The following HCN1 variants were observed in gnomAD, a reference collection of about 807,000 sequenced individuals.
The protein encoded by HCN1 is hyperpolarization activated cyclic nucleotide gated potassium channel 1, also known as potassium/sodium hyperpolarization-activated cyclic nucleotide-gated channel 1.
A neutral mutation model predicts 78.9 loss-of-function variants in HCN1; 13 were observed. The ratio of observed to expected loss-of-function variants is 0.16; its 90% CI spans 0.11 to 0.26. The LOEUF (loss-of-function observed/expected upper bound fraction) is 0.26, where lower values mean the gene tolerates loss of function less well. HCN1 is among the 10% of genes least tolerant of loss of function. The pLI is 1.00. For missense variants in HCN1, 810 were observed against 1,154.3 expected (o/e 0.70, Z 4.32); for synonymous variants, 552 against 455.5 (o/e 1.21, Z -2.70).
chr5:45,486,126 T>A (rs142197799), intron 2 of HCN1, among the ~76,000 whole-genome samples: 1 of 152,302 alleles, frequency 6.6e-6, no homozygotes, highest in East Asian at 1.9e-4. Context: ...TGTTCTAGGC[T>A]TCACAAAATA....
chr5:45,559,780 A>G (rs1743556619), intron 2 of HCN1: 1 of 152,206 alleles, frequency 6.6e-6, no homozygotes. Flanking sequence ...ATTTTGAGAG[A>G]AATTCCAGTG....
At chr5:45,373,504 T>C (rs1407612754) in intron 4 of HCN1, among the ~76,000 whole-genome samples, 1 of 140,878 alleles carries the variant, frequency 7.1e-6, no homozygotes, top group African/African-American at 2.6e-5. Context: ...ATACATTATA[T>C]ACATCATCTA....
chr5:45,545,419 T>C (rs73101274), intron 2 of HCN1, among the ~76,000 whole-genome samples: 9,872 of 152,304 alleles, frequency 0.065, 393 homozygotes, highest in East Asian at 0.15. Flanking sequence ...CTGATGTTAG[T>C]TTCTTTTGCT....
intron 1 of HCN1, among the ~76,000 whole-genome samples, chr5:45,660,359 G>A (rs1413282089): frequency 1.7e-5 from 2 of 116,122 alleles, no homozygotes; most frequent in Non-Finnish European, 3.4e-5. Flanking sequence ...ATGCCAAAAT[G>A]TAAAGACCAT....
intron 2 of HCN1, among the ~76,000 whole-genome samples, chr5:45,568,565 GCA>G (rs1396344004): frequency 6.6e-6 from 1 of 151,912 alleles, no homozygotes; most frequent in Non-Finnish European, 1.5e-5. Context: ...AGATTTCCCA[GCA>G]CAGAGTAGAA....
intron 5 of HCN1, among the ~76,000 whole-genome samples, chr5:45,336,978 A>G (rs1214340974): frequency 6.6e-6 from 1 of 152,006 alleles, no homozygotes; most frequent in African/African-American, 2.4e-5. Flanking sequence ...ATTTCAACAT[A>G]TGAACTGGGG....
At chr5:45,486,370 G>A (rs1398984121) in intron 2 of HCN1, among the ~76,000 whole-genome samples, 1 of 152,114 alleles carries the variant, frequency 6.6e-6, no homozygotes, top group African/African-American at 2.4e-5. Flanking sequence ...GGAAGAAATA[G>A]AGCTAGATTT....
At chr5:45,352,188 A>C (rs912303606) in intron 5 of HCN1, among the ~76,000 whole-genome samples, 4 of 152,208 alleles carry the variant, frequency 2.6e-5, no homozygotes, top group African/African-American at 9.7e-5. Context: ...ATGGAATACT[A>C]TGCAGCCATA....
chr5:45,387,393 C>T (rs1261171158), intron 4 of HCN1, among the ~76,000 whole-genome samples: 1 of 151,914 alleles, frequency 6.6e-6, no homozygotes, highest in Non-Finnish European at 1.5e-5. Flanking sequence ...GTTAGTGATT[C>T]ACAATAAATG....
At chr5:45,576,122 T>C (rs1156783107) in intron 2 of HCN1, 1 of 152,052 alleles carries the variant, frequency 6.6e-6, no homozygotes, top group Non-Finnish European at 1.5e-5. Flanking sequence ...ATGGAAGAAG[T>C]AACTGCAGAT....
Position 45,323,672 on chromosome 5 carries a change from G to A in HCN1, c.1378-19833C>T, listed in dbSNP as rs1231255819. 1.1e-4 allele frequency among the ~76,000 whole-genome samples: 17 copies of A among 151,528 alleles called. 1 individual carries two copies. The highest frequency in any genetic ancestry group is 5.3e-4 in the Admixed American group (8 of 15,180). On this transcript the variant is annotated intron_variant, in intron 5 of 7. Coordinates refer to ENST00000303230, the MANE Select transcript of HCN1 (RefSeq NM_021072.4). ...GTTGCTGTGCTGCACCCATTAACTC[G>A]TCATTTAGCATTAGGTATATCTCCT...
intron 2 of HCN1, among the ~76,000 whole-genome samples, chr5:45,641,086 C>T (rs926423207): frequency 1.3e-5 from 2 of 152,128 alleles, no homozygotes; most frequent in African/African-American, 4.8e-5. Context: ...TAGGGAGCCT[C>T]TCTAAGTTCT....
chr5:45,642,424 G>C (rs986036689), intron 2 of HCN1: 4 of 151,404 alleles, frequency 2.6e-5, no homozygotes, highest in East Asian at 1.9e-4. Flanking sequence ...AGGGCTTCTT[G>C]TTGTTTTTCA....
At chr5:45,371,948 A>T (rs1192959138) in intron 4 of HCN1, among the ~76,000 whole-genome samples, 1 of 97,152 alleles carries the variant, frequency 1.0e-5, no homozygotes, top group African/African-American at 4.0e-5. Context: ...ATAATATATA[A>T]TATAATATAA....
At chr5:45,283,648 C>G (rs1745211826) in intron 6 of HCN1, among the ~76,000 whole-genome samples, 1 of 152,030 alleles carries the variant, frequency 6.6e-6, no homozygotes, top group East Asian at 1.9e-4. Flanking sequence ...ATAACAGATG[C>G]AGGTGAGGTT....
At chr5:45,570,235 C>T (rs993063804) in intron 2 of HCN1, among the ~76,000 whole-genome samples, 3 of 151,848 alleles carry the variant, frequency 2.0e-5, no homozygotes, top group African/African-American at 7.3e-5. Flanking sequence ...TCTATTTCCC[C>T]TACTTCTAAG....
chr5:45,689,294 A>G (rs780029979), intron 1 of HCN1, among the ~76,000 whole-genome samples: 14 of 152,078 alleles, frequency 9.2e-5, no homozygotes, highest in Non-Finnish European at 2.1e-4. Flanking sequence ...AGTTAAAATA[A>G]AAGTTGAAGA....
chr5:45,374,195 T>C (rs184407965), intron 4 of HCN1, among the ~76,000 whole-genome samples: 4 of 109,890 alleles, frequency 3.6e-5, no homozygotes, highest in Admixed American at 2.2e-4. Context: ...TTATATACAT[T>C]ATATACATAA....
rs552031867 is a variant in HCN1 at position 45,512,008 on chromosome 5, T to A, written c.850-50001A>T. Among the ~76,000 whole-genome samples the A allele has an allele frequency of 6.8e-4, 103 of 152,206 alleles. 1 individual carries two copies. The highest frequency in any genetic ancestry group is 6.7e-3 in the Admixed American group (102 of 15,272). On this transcript the variant is annotated intron_variant, in intron 2 of 7. Coordinates refer to ENST00000303230, the MANE Select transcript of HCN1 (RefSeq NM_021072.4). ...TAATAAGTTCTACAAAAGGAAGTAGTATTTAGTTCATGGCCCTTAAAGTTA... is the reference window on the plus strand; with the variant it reads ...TAATAAGTTCTACAAAAGGAAGTAGAATTTAGTTCATGGCCCTTAAAGTTA...
Sources: gnomAD v4.1 joint callset for allele counts (sites outside exome capture counted in the v4.1 genomes callset) on GRCh38, gnomAD v4.1.1 for gene constraint, MANE v1.5 for transcripts, NCBI Gene and HGNC (gene_info 2026-07-23, HGNC 2026-07-21) for gene names.